Variants in DHX35 observed in about 807,000 individuals in gnomAD.
DHX35 encodes DEAH-box helicase 35.
A neutral mutation model predicts 99.6 loss-of-function variants in DHX35; 84 were observed. That is an observed-to-expected ratio of 0.84 (90% CI 0.71 to 1.01). The LOEUF (loss-of-function observed/expected upper bound fraction) is 1.01, where lower values mean the gene tolerates loss of function less well. DHX35 is among the 50% of genes least tolerant of loss of function. The pLI is 0.00. For synonymous variants in DHX35, 331 were observed against 316.2 expected (o/e 1.05, Z -0.50); for missense variants, 852 against 888.5 (o/e 0.96, Z 0.52).
intron 2 of DHX35, among the ~76,000 whole-genome samples, chr20:38,969,951 G>A (rs1317645036): frequency 6.6e-6 from 1 of 152,224 alleles, no homozygotes; most frequent in African/African-American, 2.4e-5. Context: ...CCCCTGATGA[G>A]GGGTGAATTC....
At chr20:39,036,228 A>G (rs755943216) in intron 21 of DHX35, among the ~76,000 whole-genome samples, 2 of 152,248 alleles carry the variant, frequency 1.3e-5, no homozygotes, top group African/African-American at 4.8e-5. Flanking sequence ...AAGCTGAGTC[A>G]TTTTCCCTTC....
intron 20 of DHX35, among the ~76,000 whole-genome samples, chr20:39,032,186 C>A (rs1244835149): frequency 6.6e-6 from 1 of 152,164 alleles, no homozygotes; most frequent in Non-Finnish European, 1.5e-5. Flanking sequence ...GAGACAGTGT[C>A]TCACTCTGTG....
At chr20:38,974,995 A>T (rs1213809526) in intron 3 of DHX35, among the ~76,000 whole-genome samples, 1 of 152,228 alleles carries the variant, frequency 6.6e-6, no homozygotes, top group African/African-American at 2.4e-5. Context: ...GGGTAAGATG[A>T]TAAAAATCCC....
chr20:38,966,625 C>G (rs114605386), intron 1 of DHX35, among the ~76,000 whole-genome samples: 1 of 152,164 alleles, frequency 6.6e-6, no homozygotes, highest in Non-Finnish European at 1.5e-5. Flanking sequence ...GCTGGCATCT[C>G]GCCACTGCAC....
At chr20:38,985,968 T>A (rs1479658005) in intron 4 of DHX35, among the ~76,000 whole-genome samples, 1 of 152,212 alleles carries the variant, frequency 6.6e-6, no homozygotes, top group Non-Finnish European at 1.5e-5. Flanking sequence ...TAGTAGTGAG[T>A]ATGCTTGTTG....
chr20:38,983,546 C>T (rs1265656557), intron 3 of DHX35, among the ~76,000 whole-genome samples, 153 bp from the exon 4 acceptor site: 1 of 152,166 alleles, frequency 6.6e-6, no homozygotes, highest in Non-Finnish European at 1.5e-5. Flanking sequence ...GCCTCAGATC[C>T]TCCATCTGTA....
intron 21 of DHX35, among the ~76,000 whole-genome samples, chr20:39,035,328 T>G (rs2087131845): frequency 6.6e-6 from 1 of 152,204 alleles, no homozygotes; most frequent in Admixed American, 6.5e-5. Context: ...CGCCTTGGTC[T>G]CCCAAAGTGT....
Position 39,038,834 on chromosome 20 carries a change from G to C in DHX35, c.*291G>C. On this transcript the variant is annotated 3_prime_UTR_variant, in exon 22 of 22. Transcript: ENST00000252011. ...CTAACCCAGCATGCCACTTCCAGCAGGCATGCAGTCCTGGCCCAGCTCTAT... is the reference window on the plus strand; with the variant it reads ...CTAACCCAGCATGCCACTTCCAGCACGCATGCAGTCCTGGCCCAGCTCTAT... 2 of 490,958 alleles carry C rather than the reference G, an allele frequency of 4.1e-6. No individual in the cohort carries two copies. Among genetic ancestry groups the C allele is most frequent in the Non-Finnish European group, 7.4e-6 (2 of 270,704 alleles). 30.4% of individuals were successfully genotyped at this position (490,958 alleles called of 1,614,324 possible).
intron 1 of DHX35, 83 bp downstream of exon 1, chr20:38,962,490 G>T: frequency 6.5e-7 from 1 of 1,534,558 alleles, no homozygotes; most frequent in South Asian, 1.2e-5. Flanking sequence ...GGGGCCAGCA[G>T]ACCTGCTCGC....
At chr20:39,009,254 A>G (rs989535462) in intron 12 of DHX35, among the ~76,000 whole-genome samples, 2 of 152,240 alleles carry the variant, frequency 1.3e-5, no homozygotes, top group African/African-American at 4.8e-5. Flanking sequence ...AACTAAAGGA[A>G]GTAGCTCATT....
At chr20:38,985,860 C>T (rs1302811949) in intron 4 of DHX35, among the ~76,000 whole-genome samples, 1 of 152,198 alleles carries the variant, frequency 6.6e-6, no homozygotes. Flanking sequence ...AATGCTACAT[C>T]TCAGAAAGTA....
chr20:38,993,485 C>T (rs934519150), intron 7 of DHX35, among the ~76,000 whole-genome samples: 3 of 152,238 alleles, frequency 2.0e-5, no homozygotes, highest in Non-Finnish European at 2.9e-5. Context: ...TCAGCCTTCC[C>T]GAGTAGCTGG....
intron 5 of DHX35, among the ~76,000 whole-genome samples, chr20:38,989,264 A>G (rs1209554180): frequency 1.6e-5 from 2 of 122,100 alleles, no homozygotes; most frequent in Non-Finnish European, 3.3e-5. Context: ...CACCCGGCTA[A>G]GTTTTTTTTT....
intron 11 of DHX35, 72 bp downstream of exon 11, chr20:39,003,979 G>A: frequency 1.3e-6 from 2 of 1,562,514 alleles, no homozygotes; most frequent in Middle Eastern, 1.9e-4. Context: ...TACTTGTTTT[G>A]AAACTTGCTA....
intron 1 of DHX35, chr20:38,962,760 C>G (rs2085853853): frequency 3.3e-6 from 1 of 306,432 alleles, no homozygotes; most frequent in Non-Finnish European, 6.1e-6. Context: ...TGTGGCCCGA[C>G]AGACAATGCT....
chr20:38,976,218 G>A (rs987970508), intron 3 of DHX35, among the ~76,000 whole-genome samples: 1 of 152,092 alleles, frequency 6.6e-6, no homozygotes, highest in African/African-American at 2.4e-5. Flanking sequence ...AAGGCACAAA[G>A]GGACATACAA....
At chr20:38,974,030 C>T (rs1397882293) in intron 3 of DHX35, among the ~76,000 whole-genome samples, 2 of 152,164 alleles carry the variant, frequency 1.3e-5, no homozygotes, top group Non-Finnish European at 2.9e-5. Flanking sequence ...CTTTGGTGAA[C>T]GTATGTGCAC....
chr20:39,017,347 G>T (rs1479983234), intron 14 of DHX35, among the ~76,000 whole-genome samples: 2 of 133,958 alleles, frequency 1.5e-5, no homozygotes, highest in African/African-American at 3.0e-5. Context: ...AATGTGTGTT[G>T]GAGAAGGTTT....
intron 3 of DHX35, among the ~76,000 whole-genome samples, chr20:38,978,905 C>T (rs1193340688): frequency 6.6e-6 from 1 of 152,018 alleles, no homozygotes; most frequent in Non-Finnish European, 1.5e-5. Flanking sequence ...CATTTTTCTG[C>T]GTGTGATTAT....
Sources: gnomAD v4.1 joint callset for allele counts (sites outside exome capture counted in the v4.1 genomes callset) on GRCh38, gnomAD v4.1.1 for gene constraint, MANE v1.5 for transcripts, NCBI Gene and HGNC (gene_info 2026-07-23, HGNC 2026-07-21) for gene names.